The following ERC2 variants were observed in gnomAD, a reference collection of about 807,000 sequenced individuals.
ERC2 encodes the protein ELKS/RAB6-interacting/CAST family member 2.
ERC2 carries 42 observed loss-of-function variants against 114.8 expected under a neutral mutation model. The observed-to-expected ratio is 0.37, with a 90% CI of 0.29 to 0.47. The LOEUF is 0.47. Ranked by LOEUF, ERC2 falls within the 20% of genes least tolerant of loss-of-function variation. The probability of loss-of-function intolerance (pLI) is 0.99; values close to 1 mark genes in which losing one functional copy is unlikely to be tolerated. For missense variants in ERC2, 939 were observed against 1,150.7 expected (o/e 0.82, Z 2.66); for synonymous variants, 454 against 425.5 (o/e 1.07, Z -0.82).
At chr3:55,669,104 T>C (rs1351921411) in intron 17 of ERC2, among the ~76,000 whole-genome samples, 1 of 152,210 alleles carries the variant, frequency 6.6e-6, no homozygotes, top group Non-Finnish European at 1.5e-5. Context: ...AGAGGAGACA[T>C]TCCTTTGGCC....
chr3:56,300,845 G>A (rs1444515451), intron 2 of ERC2, among the ~76,000 whole-genome samples: 2 of 152,188 alleles, frequency 1.3e-5, no homozygotes, highest in South Asian at 4.1e-4. Context: ...ATTGGCCTCT[G>A]AATTGGGACA....
At chr3:55,697,890 A>G (rs2063017114) in intron 16 of ERC2, among the ~76,000 whole-genome samples, 1 of 151,970 alleles carries the variant, frequency 6.6e-6, no homozygotes, top group African/African-American at 2.4e-5. Context: ...GAGAATGCCA[A>G]GGAGAAAAAG....
At chr3:56,148,848 C>T (rs184269174) in intron 5 of ERC2, 129 bp downstream of exon 5, 3 of 813,006 alleles carry the variant, frequency 3.7e-6, no homozygotes, top group East Asian at 2.6e-5. Context: ...CCGCATTCTA[C>T]TTTGTTGTCC....
chr3:55,639,730 C>A (rs1175392639), intron 17 of ERC2, among the ~76,000 whole-genome samples: 1 of 152,216 alleles, frequency 6.6e-6, no homozygotes, highest in Non-Finnish European at 1.5e-5. Context: ...CTAATTCAAT[C>A]TACTTGCCTG....
intron 14 of ERC2, among the ~76,000 whole-genome samples, chr3:55,799,971 A>C (rs899035320): frequency 1.3e-5 from 2 of 152,102 alleles, no homozygotes; most frequent in Non-Finnish European, 2.9e-5. Flanking sequence ...TGGTCAGTGA[A>C]AACAGTGGTA....
At chr3:55,972,746 T>C (rs1046070321) in intron 12 of ERC2, among the ~76,000 whole-genome samples, 4 of 152,220 alleles carry the variant, frequency 2.6e-5, no homozygotes, top group African/African-American at 7.2e-5. Flanking sequence ...TATGTGTGCA[T>C]GTGTCTTTAT....
chr3:55,856,736 A>G (rs762728976), intron 14 of ERC2, among the ~76,000 whole-genome samples: 7 of 152,250 alleles, frequency 4.6e-5, no homozygotes, highest in Admixed American at 1.3e-4. Context: ...TAGTAGTATT[A>G]TTCATAATAG....
intron 3 of ERC2, among the ~76,000 whole-genome samples, chr3:56,252,598 T>C (rs2052240564): frequency 6.6e-6 from 1 of 151,788 alleles, no homozygotes; most frequent in African/African-American, 2.4e-5. Context: ...CTACTAAAAA[T>C]GCAAAACAAT....
chr3:55,701,919 T>C (rs974900155), intron 15 of ERC2, among the ~76,000 whole-genome samples: 1 of 152,206 alleles, frequency 6.6e-6, no homozygotes, highest in Non-Finnish European at 1.5e-5. Context: ...AGCTGTAAGA[T>C]CTGCTGTGGG....
chr3:56,396,050 C>A (rs2060295253), intron 2 of ERC2, among the ~76,000 whole-genome samples: 1 of 152,052 alleles, frequency 6.6e-6, no homozygotes, highest in South Asian at 2.1e-4. Flanking sequence ...ATAAAAAGAC[C>A]AGGATTGGAA....
At chr3:55,562,713 T>C (rs1476968155) in intron 17 of ERC2, among the ~76,000 whole-genome samples, 1 of 152,136 alleles carries the variant, frequency 6.6e-6, no homozygotes, top group African/African-American at 2.4e-5. Context: ...TTTCATTTCT[T>C]TCCAGCTGCA....
chr3:55,876,180 T>C (rs1463500119), intron 14 of ERC2, among the ~76,000 whole-genome samples: 1 of 152,214 alleles, frequency 6.6e-6, no homozygotes, highest in Non-Finnish European at 1.5e-5. Flanking sequence ...TGGATCCTTT[T>C]GAAATAGCTC....
chr3:55,766,053 C>A (rs1191569021), intron 14 of ERC2, among the ~76,000 whole-genome samples: 6 of 152,118 alleles, frequency 3.9e-5, no homozygotes, highest in African/African-American at 9.7e-5. Context: ...ATGCCTGGGC[C>A]AAGTCCCAGG....
intron 17 of ERC2, among the ~76,000 whole-genome samples, chr3:55,609,888 G>T (rs754362262): frequency 6.6e-6 from 1 of 151,902 alleles, no homozygotes; most frequent in Non-Finnish European, 1.5e-5. Flanking sequence ...GAGCTCAGAA[G>T]ATCTGCCTCC....
chr3:56,058,856 T>C (rs1218056326), intron 7 of ERC2, among the ~76,000 whole-genome samples: 9 of 152,088 alleles, frequency 5.9e-5, no homozygotes, highest in African/African-American at 2.2e-4. Flanking sequence ...ACAAATCTTT[T>C]TCTTTCTTTC....
chr3:55,798,654 G>A lies in ERC2; in HGVS notation c.2565-63736C>T, dbSNP rs532071087. On this transcript the variant is annotated intron_variant, in intron 14 of 17. Coordinates refer to ENST00000288221, the MANE Select transcript of ERC2 (RefSeq NM_015576.3). ...GAGGAAAGATAGCCACTTAAAATTAGCCCAACAGCCAAGTTTTCCACAGCA... is the reference window on the plus strand; with the variant it reads ...GAGGAAAGATAGCCACTTAAAATTAACCCAACAGCCAAGTTTTCCACAGCA... Among the ~76,000 whole-genome samples, 4 of 151,198 alleles carry A rather than the reference G, an allele frequency of 2.6e-5. No individual in the cohort carries two copies. In the South Asian group the frequency reaches 8.4e-4, roughly 32 times the overall value.
intron 7 of ERC2, among the ~76,000 whole-genome samples, chr3:56,044,369 T>C (rs1453552107): frequency 6.6e-6 from 1 of 152,146 alleles, no homozygotes; most frequent in Non-Finnish European, 1.5e-5. Flanking sequence ...TATTTATGTA[T>C]AGTCCTTGTT....
chr3:56,006,780 G>T (rs180892072), intron 10 of ERC2, among the ~76,000 whole-genome samples: 2 of 151,896 alleles, frequency 1.3e-5, no homozygotes, highest in African/African-American at 4.8e-5. Context: ...CAAAGTTCTG[G>T]TACAAAAAAA....
intron 3 of ERC2, 139 bp downstream of exon 3, chr3:56,295,880 G>A: frequency 1.1e-6 from 1 of 900,160 alleles, no homozygotes; most frequent in Non-Finnish European, 1.6e-6. Flanking sequence ...ATGGTCTTAA[G>A]CCGGCAGGAA....
Sources: gnomAD v4.1 joint callset for allele counts (sites outside exome capture counted in the v4.1 genomes callset) on GRCh38, gnomAD v4.1.1 for gene constraint, MANE v1.5 for transcripts, NCBI Gene and HGNC (gene_info 2026-07-23, HGNC 2026-07-21) for gene names.